The following HRH2 variants were observed in gnomAD, a reference collection of about 807,000 sequenced individuals.
HRH2 encodes the protein histamine receptor H2, also known as histamine H2 receptor.
A neutral mutation model predicts 20.1 loss-of-function variants in HRH2; 4 were observed. That is an observed-to-expected ratio of 0.20 (90% confidence interval 0.10 to 0.45). The LOEUF (loss-of-function observed/expected upper bound fraction) is 0.45. Among genes scored for constraint, HRH2 ranks in the 20% least tolerant of loss-of-function variants. The probability of loss-of-function intolerance (pLI) is 0.99; values close to 1 mark genes in which losing one functional copy is unlikely to be tolerated. For missense variants in HRH2, 250 were observed against 461.6 expected (o/e 0.54, Z 4.20); for synonymous variants, 197 against 200.7 (o/e 0.98, Z 0.16).
intron 1 of HRH2, among the ~76,000 whole-genome samples, chr5:175,662,697 C>A (rs982566732): frequency 4.6e-5 from 7 of 152,158 alleles, no homozygotes; most frequent in Non-Finnish European, 8.8e-5. Flanking sequence ...ATAAAAGTCA[C>A]CAATTCAAAT....
intron 2 of HRH2, among the ~76,000 whole-genome samples, chr5:175,695,965 C>T (rs1756562937): frequency 6.6e-6 from 1 of 152,266 alleles, no homozygotes; most frequent in Non-Finnish European, 1.5e-5. Flanking sequence ...ACACAGCGCT[C>T]AACAGCCCAG....
intron 2 of HRH2, among the ~76,000 whole-genome samples, chr5:175,703,132 A>G (rs889651358): frequency 6.6e-6 from 1 of 152,252 alleles, no homozygotes; most frequent in African/African-American, 2.4e-5. Flanking sequence ...ACTGTCACTA[A>G]TAACTAGAGA....
chr5:175,670,389 A>G (rs1205983190), intron 1 of HRH2, among the ~76,000 whole-genome samples: 1 of 152,258 alleles, frequency 6.6e-6, no homozygotes, highest in Non-Finnish European at 1.5e-5. Context: ...AGCACTCCTC[A>G]GTAGACTGAA....
At chr5:175,689,105 C>T (rs1357025502) in intron 2 of HRH2, among the ~76,000 whole-genome samples, 2 of 152,238 alleles carry the variant, frequency 1.3e-5, no homozygotes, top group Non-Finnish European at 2.9e-5. Flanking sequence ...CAACTGGCCC[C>T]TGACTAGCTC....
At chr5:175,701,986 T>C (rs570488827) in intron 2 of HRH2, among the ~76,000 whole-genome samples, 1 of 152,220 alleles carries the variant, frequency 6.6e-6, no homozygotes, top group African/African-American at 2.4e-5. Flanking sequence ...AAGTGGTAGG[T>C]TGGTGCAAAA....
intron 1 of HRH2, among the ~76,000 whole-genome samples, chr5:175,672,406 G>A (rs1004520950): frequency 1.3e-5 from 2 of 152,084 alleles, no homozygotes; most frequent in African/African-American, 4.8e-5. Flanking sequence ...TGCCACGCTC[G>A]CCAGCCCACT....
At chr5:175,697,551 C>A (rs920667815) in intron 2 of HRH2, among the ~76,000 whole-genome samples, 8 of 152,016 alleles carry the variant, frequency 5.3e-5, no homozygotes, top group African/African-American at 1.9e-4. Context: ...AGTGAATATG[C>A]CTTGCCAGAG....
Position 175,674,518 on chromosome 5 carries a change from C to T in HRH2, c.-525-8191C>T, listed in dbSNP as rs910896196. On this transcript the variant is annotated intron_variant, in intron 1 of 2. Coordinates refer to ENST00000636584, the MANE Select transcript of HRH2 (RefSeq NM_001367711.1). ...TGTCCACTCTGACCCCACCATCTAG[C>T]GCTGAGCTGGAGGACACACGTCTCG... 1.3e-4 allele frequency among the ~76,000 whole-genome samples: 20 copies of T among 151,894 alleles called. No individual in the cohort carries two copies. In the East Asian group the frequency reaches 3.7e-3, roughly 28 times the overall value.
Position 175,681,138 on chromosome 5 carries a change from AC to A in HRH2, c.-525-1566del, listed in dbSNP as rs977591964. ...TCTCCAAAAAAATACCCTTATTGCT[AC>A]CCCCTCCAAAGTTAATTAAGTGTGG... is the stretch of plus-strand genomic sequence containing the variant. On this transcript the variant is annotated intron_variant, in intron 1 of 2. Transcript: ENST00000636584. The surrounding 1 kb of genome is among the most constrained non-coding windows in gnomAD (Gnocchi z 4.3). 6.6e-6 allele frequency among the ~76,000 whole-genome samples: 1 copy of A among 152,066 alleles called. No individual in the cohort carries two copies. Among genetic ancestry groups the A allele is most frequent in the Non-Finnish European group, 1.5e-5 (1 of 67,994 alleles).
At chr5:175,695,446 G>GCA (rs1756542947) in intron 2 of HRH2, among the ~76,000 whole-genome samples, 1 of 152,182 alleles carries the variant, frequency 6.6e-6, no homozygotes, top group East Asian at 1.9e-4. Context: ...GAGTAGGTAG[G>GCA]AGAAAACCCT....
At chr5:175,700,709 C>T (rs1444587361) in intron 2 of HRH2, among the ~76,000 whole-genome samples, 3 of 152,040 alleles carry the variant, frequency 2.0e-5, no homozygotes, top group Non-Finnish European at 4.4e-5. Flanking sequence ...CATGGTGAAA[C>T]CACGTCTCTA....
At chr5:175,696,486 A>T (rs921119110) in intron 2 of HRH2, among the ~76,000 whole-genome samples, 1 of 10,520 alleles carries the variant, frequency 9.5e-5, no homozygotes, top group Non-Finnish European at 1.5e-4. Context: ...TTGGGCCAAG[A>T]CTCCCTCACA....
At chr5:175,698,057 C>T (rs534378395) in intron 2 of HRH2, among the ~76,000 whole-genome samples, 29 of 152,272 alleles carry the variant, frequency 1.9e-4, no homozygotes, top group Non-Finnish European at 3.2e-4. Flanking sequence ...GGCACTGGAG[C>T]GCACACACGC....
intron 1 of HRH2, among the ~76,000 whole-genome samples, chr5:175,667,825 C>T (rs779108651): frequency 3.9e-5 from 6 of 152,138 alleles, no homozygotes; most frequent in Admixed American, 6.6e-5. Flanking sequence ...ACAGTTATAC[C>T]TACAGTTGTT....
At chr5:175,674,678 G>A (rs1237409790) in intron 1 of HRH2, among the ~76,000 whole-genome samples, 2 of 152,138 alleles carry the variant, frequency 1.3e-5, no homozygotes, top group Non-Finnish European at 2.9e-5. Flanking sequence ...GGGCTGCAGA[G>A]CTTGGGACAA....
chr5:175,702,662 CTG>C (rs1316740146), intron 2 of HRH2, among the ~76,000 whole-genome samples: 2 of 150,382 alleles, frequency 1.3e-5, no homozygotes, highest in Non-Finnish European at 3.0e-5. Context: ...CGCCATTCTC[CTG>C]CCTCAACCTC....
At position 175,698,597 on chromosome 5, in the gene HRH2, C is replaced by T. The variant is rs117548297; in HGVS notation, c.1077-9182C>T. On this transcript the variant is annotated intron_variant, in intron 2 of 2. Transcript: ENST00000636584. ...TCGCTTATTCATTCACCAGCAAATC[C>T]AGGGATCCTGCTAGAGTCAAAGCCA... Among the ~76,000 whole-genome samples, 4 of 152,294 alleles carry T rather than the reference C, an allele frequency of 2.6e-5. No homozygotes were observed. In the East Asian group the frequency reaches 7.7e-4, roughly 29 times the overall value.
chr5:175,675,382 C>A (rs1189103200), intron 1 of HRH2, among the ~76,000 whole-genome samples: 1 of 152,336 alleles, frequency 6.6e-6, no homozygotes, highest in East Asian at 1.9e-4. Context: ...AACTCCCAAG[C>A]ACTCCATCCC....
intron 1 of HRH2, among the ~76,000 whole-genome samples, chr5:175,659,435 A>G (rs1416383804): frequency 2.6e-5 from 4 of 152,142 alleles, no homozygotes; most frequent in Middle Eastern, 3.2e-3. Flanking sequence ...GGAGAATTCA[A>G]TATCATGAGA....
Sources: allele counts gnomAD v4.1 joint callset (sites outside exome capture counted in the v4.1 genomes callset), GRCh38; gene constraint gnomAD v4.1.1; non-coding constraint Gnocchi (gnomAD v3.1); transcripts MANE v1.5; gene names NCBI Gene and HGNC (gene_info 2026-07-23, HGNC 2026-07-21).